Variants in REG3G observed in about 807,000 individuals in gnomAD.
REG3G encodes the protein regenerating family member 3 gamma, also known as regenerating islet-derived protein 3-gamma.
REG3G carries 19 observed loss-of-function variants against 20.9 expected under a neutral mutation model. The ratio of observed to expected loss-of-function variants is 0.91; its 90% CI spans 0.64 to 1.34. The LOEUF is 1.34. Ranked by LOEUF, REG3G falls within the 40% of genes most tolerant of loss-of-function variation. The probability of loss-of-function intolerance (pLI) is 0.00; values close to 1 mark genes in which losing one functional copy is unlikely to be tolerated. For synonymous variants in REG3G, 89 were observed against 77.4 expected (o/e 1.15, Z -0.79); for missense variants, 235 against 205.0 (o/e 1.15, Z -0.89).
chr2:79,026,977 C>T (rs1250801030), intron 3 of REG3G, 57 bp from the exon 4 acceptor site: 3 of 1,609,572 alleles, frequency 1.9e-6, no homozygotes, highest in African/African-American at 1.3e-5. Flanking sequence ...CTACCTTTTC[C>T]CTGCCCTCCC....
chr2:79,027,047 A>G lies in REG3G; in HGVS notation c.209A>G (p.Lys70Arg). 3.1e-6 allele frequency: 5 copies of G among 1,614,070 alleles called. No individual in the cohort carries two copies. The South Asian group carries it at 3.3e-5, about 11-fold the overall frequency. The change falls in exon 4 of 6, where the codon AAG (lysine) becomes AGG (arginine). Residue 70 changes from lysine (K) to arginine (R), a missense_variant. Coordinates refer to ENST00000272324, the MANE Select transcript of REG3G (RefSeq NM_001008387.3). Reference sequence around the variant, plus strand: ...TCCCCCTCAAAGCTGGCTTGCCAGAAGCGGCCCTCTGGAAAACTGGTGTCT... The same window carrying G: ...TCCCCCTCAAAGCTGGCTTGCCAGAGGCGGCCCTCTGGAAAACTGGTGTCT... Reference protein sequence around the residue: ...SWMDADLACQKRPSGKLVSVL... With the variant: ...SWMDADLACQRRPSGKLVSVL...
At position 79,026,888 on chromosome 2, in the gene REG3G, G is replaced by T. The variant is rs984811123; in HGVS notation, c.195+57G>T. On this transcript the variant is annotated intron_variant, in intron 3 of 5. Coordinates refer to ENST00000272324, the MANE Select transcript of REG3G (RefSeq NM_001008387.3). ...AGGGGAAAGTCCATGCAGGTCTCAG[G>T]GGGAGGAGGGTCTCCTTCAGGAGAG... is the stretch of plus-strand genomic sequence containing the variant. The T allele has an allele frequency of 3.9e-6, 5 of 1,272,524 alleles. No homozygotes were observed. In the East Asian group the frequency reaches 8.0e-5, roughly 20 times the overall value. 78.8% of individuals were successfully genotyped at this position (1,272,524 alleles called of 1,614,324 possible).
chr2:79,026,489 G>A, intron 2 of REG3G: 1 of 598,890 alleles, frequency 1.7e-6, no homozygotes. Context: ...ACAGTGAAGA[G>A]AGTGTTGAAT....
chr2:79,028,373 A>G lies in REG3G; in HGVS notation c.*97A>G, dbSNP rs1671680149. The stretch of plus-strand genomic sequence containing the variant: ...ACCCTGGAAGAGAATATTCTCCCCA[A>G]ACTGCCCTACCTGACTACCTTGTCA... On this transcript the variant is annotated 3_prime_UTR_variant, in exon 6 of 6. Transcript: ENST00000272324. The G allele has an allele frequency of 1.2e-6, 1 of 816,322 alleles. No homozygotes were observed. The highest frequency in any genetic ancestry group is 2.1e-6 in the Non-Finnish European group (1 of 470,326). The allele number at this position is 816,322 out of a possible 1,614,324, so 50.6% of individuals were successfully genotyped here. A position where few individuals can be genotyped will look rare whatever the true frequency, so the allele number is the denominator to read the frequency against.
At position 79,028,384 on chromosome 2, in the gene REG3G, C is replaced by G. The variant is rs1369848429; in HGVS notation, c.*108C>G. ...GAATATTCTCCCCAAACTGCCCTAC[C>G]TGACTACCTTGTCATGATCCTCCTT... On this transcript the variant is annotated 3_prime_UTR_variant, in exon 6 of 6. Coordinates refer to ENST00000272324, the MANE Select transcript of REG3G (RefSeq NM_001008387.3). 4 of 733,682 alleles carry G rather than the reference C, an allele frequency of 5.5e-6. No homozygotes were observed. The highest frequency in any genetic ancestry group is 4.0e-5 in the Admixed American group (2 of 49,654). 45.4% of individuals were successfully genotyped at this position (733,682 alleles called of 1,614,324 possible).
intron 3 of REG3G, 64 bp downstream of exon 3, chr2:79,026,895 A>T: frequency 7.8e-7 from 1 of 1,284,722 alleles, no homozygotes; most frequent in Non-Finnish European, 1.1e-6. Flanking sequence ...CAGGGGGAGG[A>T]GGGTCTCCTT....
intron 4 of REG3G, 93 bp downstream of exon 4, chr2:79,027,264 T>A (rs548083357): frequency 7.3e-7 from 1 of 1,368,908 alleles, no homozygotes; most frequent in Non-Finnish European, 1.0e-6. Context: ...AGGAAGTACT[T>A]TAGGGAGCAC....
At position 79,027,182 on chromosome 2, in the gene REG3G, A is replaced by G. The variant is rs1558696231; in HGVS notation, c.333+11A>G. ...CATGACCCCACACAGGTGCGAGTAT[A>G]TCCTCCCCTCTCTGTTACCTCTCAA... On this transcript the variant is annotated intron_variant, in intron 4 of 5. Coordinates refer to ENST00000272324, the MANE Select transcript of REG3G (RefSeq NM_001008387.3). The G allele has an allele frequency of 6.2e-7, 1 of 1,613,254 alleles. No homozygotes were observed. Among genetic ancestry groups the G allele is most frequent in the African/African-American group, 1.3e-5 (1 of 74,986 alleles).
chr2:79,027,137 C>A lies in REG3G; in HGVS notation c.299C>A (p.Ser100Ter), dbSNP rs574791380. The A allele has an allele frequency of 6.2e-7, 1 of 1,613,776 alleles. No individual in the cohort carries two copies. Among genetic ancestry groups the A allele is most frequent in the Non-Finnish European group, 8.5e-7 (1 of 1,179,732 alleles). The stretch of plus-strand genomic sequence containing the variant: ...GTGAGGAGCATTAGTAACAGCTATT[C>A]ATACATCTGGATTGGGCTCCATGAC... The part of the protein sequence containing the change: ...SLVRSISNSY[S>*]YIWIGLHDPT... The change falls in exon 4 of 6, where the codon TCA (serine) becomes TAA (stop). Residue 100 changes from serine (S) to a stop codon, truncating the protein, a stop_gained. Coordinates refer to ENST00000272324, the MANE Select transcript of REG3G (RefSeq NM_001008387.3). LOFTEE classifies it high-confidence loss of function.
chr2:79,026,588 G>C (rs570096945), intron 2 of REG3G, 125 bp from the exon 3 acceptor site: 1 of 770,834 alleles, frequency 1.3e-6, no homozygotes, highest in Admixed American at 2.4e-5. Context: ...GAAAACACAA[G>C]GGAAGATGAA....
At position 79,026,774 on chromosome 2, in the gene REG3G, C is replaced by G; in HGVS notation, c.138C>G (p.Ala46=). The change falls in exon 3 of 6, where the codon GCC becomes GCG. Residue 46 remains alanine (A), a synonymous_variant. Transcript: ENST00000272324. ...TCAGCTGTCCCAAAGGCTCCAAGGC[C>G]TATGGCTCCCCCTGCTATGCCTTGT... The part of the protein sequence containing the change: ...PRISCPKGSK[A]YGSPCYALFL... 6.2e-7 allele frequency: 1 copy of G among 1,613,828 alleles called. No homozygotes were observed. Among genetic ancestry groups the G allele is most frequent in the Non-Finnish European group, 8.5e-7 (1 of 1,179,934 alleles).
chr2:79,028,055 C>G (rs1671670863), intron 5 of REG3G, 122 bp downstream of exon 5: 3 of 1,332,638 alleles, frequency 2.3e-6, no homozygotes, highest in Non-Finnish European at 3.2e-6. Context: ...CCCGTCTCCT[C>G]TCATCTCTGC....
At chr2:79,026,980 G>A (rs536553483) in intron 3 of REG3G, 54 bp from the exon 4 acceptor site, 173 of 1,610,658 alleles carry the variant, frequency 1.1e-4, no homozygotes, top group Middle Eastern at 8.3e-4. Flanking sequence ...CCTTTTCCCT[G>A]CCCTCCCTCA....
rs1439115415 is a variant in REG3G at position 79,026,707 on chromosome 2, C to T, written c.77-6C>T. 1.9e-5 allele frequency: 31 copies of T among 1,611,658 alleles called. No homozygotes were observed. The highest frequency in any genetic ancestry group is 8.9e-5 in the East Asian group (4 of 44,808). ...ATTTTACTCTCTCCCTTTTCTTCCACCCCAGGTGAAGAAACCCAGAAGGAA... is the reference window on the plus strand; with the variant it reads ...ATTTTACTCTCTCCCTTTTCTTCCATCCCAGGTGAAGAAACCCAGAAGGAA... On this transcript the variant is annotated splice_polypyrimidine_tract_variant and splice_region_variant and intron_variant, in intron 2 of 5. Transcript: ENST00000272324.
At position 79,027,023 on chromosome 2, in the gene REG3G, C is replaced by G; in HGVS notation, c.196-11C>G. On this transcript the variant is annotated splice_polypyrimidine_tract_variant and intron_variant, in intron 3 of 5. Transcript: ENST00000272324. ...TCAGGCTCCATCTCATTCTCTTTGT[C>G]CCCCTCAAAGCTGGCTTGCCAGAAG... 6.2e-7 allele frequency: 1 copy of G among 1,613,902 alleles called. No individual in the cohort carries two copies. Among genetic ancestry groups the G allele is most frequent in the East Asian group, 2.2e-5 (1 of 44,862 alleles).
chr2:79,026,194 T>G (rs1671615458), intron 2 of REG3G, 25 bp downstream of exon 2: 1 of 1,611,172 alleles, frequency 6.2e-7, no homozygotes, highest in Non-Finnish European at 8.5e-7. Flanking sequence ...CCTCTAGCAC[T>G]GGGTTCCCTA....
intron 2 of REG3G, 109 bp downstream of exon 2, chr2:79,026,278 A>C (rs1044879553): frequency 6.4e-6 from 7 of 1,093,540 alleles, no homozygotes; most frequent in Admixed American, 1.8e-5. Flanking sequence ...GTCTAATGAA[A>C]CTGCCTGCAG....
chr2:79,026,526 C>T (rs914663192), intron 2 of REG3G, 187 bp from the exon 3 acceptor site: 12 of 611,770 alleles, frequency 2.0e-5, no homozygotes, highest in Admixed American at 2.9e-5. Flanking sequence ...AGGGTAATAA[C>T]AGACTAGATG....
chr2:79,025,934 G>GC (rs1203339825), intron 1 of REG3G, 49 bp from the exon 2 acceptor site: 1 of 674,652 alleles, frequency 1.5e-6, no homozygotes, highest in Non-Finnish European at 2.6e-6. Flanking sequence ...CAGATTCACA[G>GC]CTCATTCAGA....
Sources: gnomAD v4.1 joint callset for allele counts on GRCh38, gnomAD v4.1.1 for gene constraint, MANE v1.5 for transcripts, NCBI Gene and HGNC (gene_info 2026-07-23, HGNC 2026-07-21) for gene names.